The following DOCK1 variants were observed in gnomAD, a reference collection of about 807,000 sequenced individuals.
DOCK1 encodes dedicator of cytokinesis 1.
In DOCK1, 138 loss-of-function variants were observed where a neutral mutation model predicts 262.7. That is an observed-to-expected ratio of 0.53 (90% confidence interval 0.46 to 0.61). The LOEUF is 0.61. Among genes scored for constraint, DOCK1 ranks in the 20% least tolerant of loss-of-function variants. DOCK1 has a pLI of 0.00. For missense variants in DOCK1, 1,908 were observed against 2,370.7 expected, an observed-to-expected ratio of 0.80 and a Z score of 4.05; for synonymous variants, 866 against 867.4, an observed-to-expected ratio of 1.00 and a Z score of 0.03.
At chr10:127,388,660 A>C (rs2148379) in intron 38 of DOCK1, among the ~76,000 whole-genome samples, 1 of 152,092 alleles carries the variant, frequency 6.6e-6, no homozygotes, top group Non-Finnish European at 1.5e-5. Flanking sequence ...CGGAACCCAG[A>C]TGAACAGAGG....
intron 29 of DOCK1, among the ~76,000 whole-genome samples, chr10:127,266,480 A>AACACACACACACACACACAC (rs68190118): frequency 3.4e-5 from 5 of 149,172 alleles, no homozygotes; most frequent in African/African-American, 9.9e-5. Context: ...TAAGTACCAA[A>AACACACACACACACACACAC]ACACACACAC....
At chr10:127,361,253 A>G (rs558939913) in intron 32 of DOCK1, among the ~76,000 whole-genome samples, 26 of 151,554 alleles carry the variant, frequency 1.7e-4, no homozygotes, top group Non-Finnish European at 3.2e-4. Flanking sequence ...AGCTGGGACT[A>G]CAGGCGCCCG....
intron 28 of DOCK1, among the ~76,000 whole-genome samples, chr10:127,252,870 G>T (rs1285762399): frequency 6.6e-6 from 1 of 152,206 alleles, no homozygotes; most frequent in Admixed American, 6.5e-5. Flanking sequence ...GGCGATGCGG[G>T]CTCTTTTTTG....
intron 16 of DOCK1, among the ~76,000 whole-genome samples, chr10:127,027,948 C>T (rs375045019): frequency 1.3e-4 from 19 of 151,794 alleles, no homozygotes; most frequent in East Asian, 1.2e-3. Context: ...GCTGGGGTGC[C>T]GGCCCATGAC....
intron 25 of DOCK1, among the ~76,000 whole-genome samples, chr10:127,120,215 C>A (rs924264940): frequency 6.6e-6 from 1 of 152,190 alleles, no homozygotes; most frequent in South Asian, 2.1e-4. Flanking sequence ...CCTGGAGTCA[C>A]GTACGTGTGA....
chr10:127,131,826 A>G (rs780255492), intron 27 of DOCK1, among the ~76,000 whole-genome samples: 12 of 152,192 alleles, frequency 7.9e-5, no homozygotes, highest in Non-Finnish European at 1.6e-4. Flanking sequence ...CCATTCCATT[A>G]TATCTTAGAG....
Position 127,384,920 on chromosome 10 carries a change from A to G in DOCK1, c.3927+11A>G. The stretch of plus-strand genomic sequence containing the variant: ...TTCGACAAAGGCAAGGTAAAACACA[A>G]AAAGCAATTGTCCTTGTTTTCCTCT... On this transcript the variant is annotated intron_variant, in intron 38 of 51. Transcript: ENST00000623213. The G allele has an allele frequency of 6.3e-7, 1 of 1,582,054 alleles. No homozygotes were observed. The highest frequency in any genetic ancestry group is 8.6e-7 in the Non-Finnish European group (1 of 1,167,734).
At chr10:127,195,719 TC>T (rs1400755937) in intron 27 of DOCK1, among the ~76,000 whole-genome samples, 1 of 152,132 alleles carries the variant, frequency 6.6e-6, no homozygotes, top group Non-Finnish European at 1.5e-5. Context: ...GCCCCGCTCC[TC>T]CCTGACGTCG....
intron 28 of DOCK1, among the ~76,000 whole-genome samples, chr10:127,249,852 G>T (rs1214458935): frequency 6.6e-6 from 1 of 152,196 alleles, no homozygotes; most frequent in African/African-American, 2.4e-5. Flanking sequence ...CTAAATAAAA[G>T]TAAGGGAACA....
chr10:127,349,171 TA>T (rs1211884328), intron 31 of DOCK1, among the ~76,000 whole-genome samples: 3 of 152,004 alleles, frequency 2.0e-5, no homozygotes, highest in Non-Finnish European at 4.4e-5. Flanking sequence ...CAGCTTCCTT[TA>T]GGTCCATCTC....
chr10:127,282,605 A>C (rs1050110487), intron 29 of DOCK1, among the ~76,000 whole-genome samples: 20 of 152,348 alleles, frequency 1.3e-4, no homozygotes, highest in Non-Finnish European at 1.8e-4. Flanking sequence ...GAACACCCAC[A>C]AGGGGGTCAC....
At chr10:127,127,351 T>C (rs1195425173) in intron 26 of DOCK1, among the ~76,000 whole-genome samples, 1 of 152,228 alleles carries the variant, frequency 6.6e-6, no homozygotes, top group Non-Finnish European at 1.5e-5. Flanking sequence ...CCAAATATCT[T>C]TAGAAAACTA....
At chr10:127,194,699 C>G (rs1283021965) in intron 27 of DOCK1, among the ~76,000 whole-genome samples, 2 of 152,136 alleles carry the variant, frequency 1.3e-5, no homozygotes, top group Admixed American at 1.3e-4. Flanking sequence ...GAAAGGTAAC[C>G]CTCTAGCAAG....
intron 10 of DOCK1, chr10:127,001,103 G>A (rs1247147806): frequency 6.6e-6 from 1 of 152,192 alleles, no homozygotes; most frequent in Non-Finnish European, 1.5e-5. Context: ...TTTTATGGTT[G>A]CAGTACAATT....
At chr10:127,362,906 T>C (rs1565026894) in intron 33 of DOCK1, among the ~76,000 whole-genome samples, 19 of 15,378 alleles carry the variant, frequency 1.2e-3, no homozygotes, top group East Asian at 4.7e-3. Context: ...CACATGTACA[T>C]CTCCACACAC....
intron 29 of DOCK1, among the ~76,000 whole-genome samples, chr10:127,317,582 C>G (rs189105155): frequency 1.5e-3 from 233 of 152,260 alleles, no homozygotes; most frequent in African/African-American, 5.2e-3. Flanking sequence ...GCTCTGGATT[C>G]GAGTGCACAT....
intron 27 of DOCK1, among the ~76,000 whole-genome samples, chr10:127,234,784 T>C (rs1173912218): frequency 6.6e-6 from 1 of 151,904 alleles, no homozygotes; most frequent in Admixed American, 6.6e-5. Context: ...ATTAATTAAA[T>C]TGAAAGTACT....
At chr10:126,963,673 C>CCCTT (rs2037454465) in intron 1 of DOCK1, among the ~76,000 whole-genome samples, 1 of 82,460 alleles carries the variant, frequency 1.2e-5, no homozygotes, top group African/African-American at 4.9e-5. Flanking sequence ...CTTCCTTCCT[C>CCCTT]CCTCCCTTCC....
intron 25 of DOCK1, among the ~76,000 whole-genome samples, chr10:127,113,209 A>C (rs1357076210): frequency 6.6e-6 from 1 of 152,084 alleles, no homozygotes; most frequent in African/African-American, 2.4e-5. Context: ...CAGTCAAATG[A>C]ACTCTCTTTG....
Sources: allele counts gnomAD v4.1 joint callset (sites outside exome capture counted in the v4.1 genomes callset), GRCh38; gene constraint gnomAD v4.1.1; transcripts MANE v1.5; gene names NCBI Gene and HGNC (gene_info 2026-07-23, HGNC 2026-07-21).